The following ZBTB38 variants were observed in gnomAD, a reference collection of about 807,000 sequenced individuals.
ZBTB38 encodes the protein zinc finger and BTB domain-containing protein 38.
In ZBTB38, 20 loss-of-function variants were observed where a neutral mutation model predicts 76.8. The ratio of observed to expected loss-of-function variants is 0.26; its 90% CI spans 0.18 to 0.38. ZBTB38 has a LOEUF of 0.38. Ranked by LOEUF, ZBTB38 falls within the 10% of genes least tolerant of loss-of-function variation. ZBTB38 has a pLI of 1.00. For synonymous variants in ZBTB38, 504 were observed against 544.2 expected (o/e 0.93, Z 1.03); for missense variants, 1,082 against 1,482.3 (o/e 0.73, Z 4.43).
intron 2 of ZBTB38, among the ~76,000 whole-genome samples, chr3:141,373,613 A>G (rs1944942226): frequency 6.6e-6 from 1 of 152,220 alleles, no homozygotes; most frequent in Non-Finnish European, 1.5e-5. Context: ...AATTTCTCAC[A>G]CTGAAATCCC....
chr3:141,383,201 A>G (rs1946447969), intron 3 of ZBTB38, among the ~76,000 whole-genome samples: 1 of 152,188 alleles, frequency 6.6e-6, no homozygotes. Flanking sequence ...GTAGATGTTC[A>G]AAGTAGCTTT....
intron 1 of ZBTB38, among the ~76,000 whole-genome samples, chr3:141,325,313 A>G (rs1246843259): frequency 1.3e-5 from 2 of 152,266 alleles, no homozygotes; most frequent in African/African-American, 2.4e-5. Context: ...GGAATAAATT[A>G]AGAAAATTAG....
intron 1 of ZBTB38, among the ~76,000 whole-genome samples, chr3:141,350,540 G>T (rs565686605): frequency 6.6e-6 from 1 of 152,014 alleles, no homozygotes; most frequent in Non-Finnish European, 1.5e-5. Flanking sequence ...TGCTCTCTGG[G>T]TCTTCACTGG....
intron 1 of ZBTB38, among the ~76,000 whole-genome samples, chr3:141,346,197 T>G (rs979939439): frequency 6.6e-6 from 1 of 152,150 alleles, no homozygotes; most frequent in Non-Finnish European, 1.5e-5. Context: ...ACAGGGTACC[T>G]TTAAAAAATA....
intron 5 of ZBTB38, among the ~76,000 whole-genome samples, chr3:141,441,832 C>T (rs927862862): frequency 6.6e-6 from 1 of 151,996 alleles, no homozygotes; most frequent in Admixed American, 6.6e-5. Context: ...GAGAGAATCG[C>T]TTGAGCCGGG....
At chr3:141,370,460 C>T (rs975375905) in intron 2 of ZBTB38, among the ~76,000 whole-genome samples, 8 of 152,236 alleles carry the variant, frequency 5.3e-5, no homozygotes, top group Non-Finnish European at 1.2e-4. Context: ...AGCCACTTAG[C>T]AGTGACAGCT....
intron 1 of ZBTB38, among the ~76,000 whole-genome samples, chr3:141,360,577 A>C (rs1375292197): frequency 6.6e-6 from 1 of 152,184 alleles, no homozygotes; most frequent in East Asian, 1.9e-4. Context: ...TAACAATTCT[A>C]ATTTTTAAAA....
chr3:141,377,071 C>A (rs983013118), intron 2 of ZBTB38, among the ~76,000 whole-genome samples: 1 of 152,248 alleles, frequency 6.6e-6, no homozygotes, highest in Non-Finnish European at 1.5e-5. Context: ...TGCCCCACAG[C>A]TGTCATTTCA....
intron 1 of ZBTB38, among the ~76,000 whole-genome samples, chr3:141,349,420 A>C (rs1415795556): frequency 6.6e-6 from 1 of 152,246 alleles, no homozygotes; most frequent in Non-Finnish European, 1.5e-5. Context: ...AATCACCACA[A>C]GGTTAAATCA....
chr3:141,330,490 G>A (rs1942815388), intron 1 of ZBTB38, among the ~76,000 whole-genome samples: 1 of 152,198 alleles, frequency 6.6e-6, no homozygotes. Context: ...CCACCCTGTG[G>A]AGTTGTTGGA....
chr3:141,358,469 A>G (rs1282368771), intron 1 of ZBTB38, among the ~76,000 whole-genome samples: 1 of 152,182 alleles, frequency 6.6e-6, no homozygotes, highest in Non-Finnish European at 1.5e-5. Context: ...TTTGAAAGTC[A>G]AGGAAATGAA....
In ZBTB38 at chr3:141,430,544, A is replaced by G. The variant is rs79292404; in HGVS notation, c.1-11845A>G. Among the ~76,000 whole-genome samples, 630 of 152,330 alleles carry G rather than the reference A, an allele frequency of 4.1e-3. 8 individuals are homozygous for G. Among genetic ancestry groups the G allele is most frequent in the African/African-American group, 0.015 (603 of 41,578 alleles). ...ACACTTGGTGCTTTTCAGGCGCATCATCTCATTCACTCTTCACTGCCCAGT... is the reference window on the plus strand; with the variant it reads ...ACACTTGGTGCTTTTCAGGCGCATCGTCTCATTCACTCTTCACTGCCCAGT... On this transcript the variant is annotated intron_variant, in intron 5 of 5. Transcript: ENST00000321464.
At chr3:141,360,499 T>G (rs1943788741) in intron 1 of ZBTB38, among the ~76,000 whole-genome samples, 1 of 152,220 alleles carries the variant, frequency 6.6e-6, no homozygotes, top group African/African-American at 2.4e-5. Context: ...CATGAGGGGA[T>G]GGAAAATCTT....
intron 1 of ZBTB38, among the ~76,000 whole-genome samples, chr3:141,326,242 T>C (rs1408352860): frequency 2.0e-5 from 3 of 152,178 alleles, no homozygotes; most frequent in Non-Finnish European, 2.9e-5. Context: ...AATCATATGC[T>C]CAGATTACAG....
intron 3 of ZBTB38, among the ~76,000 whole-genome samples, chr3:141,383,098 G>A (rs916161687): frequency 6.6e-6 from 1 of 152,148 alleles, no homozygotes; most frequent in Non-Finnish European, 1.5e-5. Flanking sequence ...TATTGAGTAT[G>A]TAGTAGGTTC....
chr3:141,372,175 G>A (rs2149038860), intron 2 of ZBTB38, among the ~76,000 whole-genome samples: 1 of 152,332 alleles, frequency 6.6e-6, no homozygotes, highest in East Asian at 1.9e-4. Context: ...TGTTATGGCT[G>A]CCTAGCCTCT....
chr3:141,362,459 C>CA lies in ZBTB38; in HGVS notation c.-738-6156dup, dbSNP rs527457167. On this transcript the variant is annotated intron_variant, in intron 1 of 7. Transcript: ENST00000509842. Reference sequence around the variant, plus strand: ...AGATAGCATAAAATGACCACCAGCACAAAAAACATTTTTAATCCAACATTT... The same window carrying CA: ...AGATAGCATAAAATGACCACCAGCACAAAAAAACATTTTTAATCCAACATTT... 3.5e-4 allele frequency among the ~76,000 whole-genome samples: 54 copies of CA among 152,174 alleles called. No homozygotes were observed. In the South Asian group the frequency reaches 5.2e-3, roughly 15 times the overall value.
At chr3:141,390,485 C>T (rs901727259) in intron 4 of ZBTB38, among the ~76,000 whole-genome samples, 20 of 152,168 alleles carry the variant, frequency 1.3e-4, no homozygotes, top group Admixed American at 1.3e-3. Flanking sequence ...TGCCATAATA[C>T]TAGAGTGGTA....
At chr3:141,411,717 C>T (rs1191503059) in intron 5 of ZBTB38, among the ~76,000 whole-genome samples, 1 of 152,176 alleles carries the variant, frequency 6.6e-6, no homozygotes, top group Non-Finnish European at 1.5e-5. Context: ...AAAACCCTGA[C>T]CTTTAAAATT....
Sources: gnomAD v4.1 joint callset for allele counts (sites outside exome capture counted in the v4.1 genomes callset) on GRCh38, gnomAD v4.1.1 for gene constraint, MANE v1.5 for transcripts, NCBI Gene and HGNC (gene_info 2026-07-23, HGNC 2026-07-21) for gene names.